TANC1: variants seen among roughly 807,000 people sequenced by gnomAD.
The protein encoded by TANC1 is protein TANC1.
TANC1 carries 77 observed loss-of-function variants against 149.7 expected under a neutral mutation model. That is an observed-to-expected ratio of 0.51 (90% CI 0.43 to 0.62). The LOEUF is 0.62. Ranked by LOEUF, TANC1 falls within the 20% of genes least tolerant of loss-of-function variation. The pLI, the probability that TANC1 is intolerant of heterozygous loss-of-function variation, is 0.00. For missense variants in TANC1, 1,985 were observed against 2,321.8 expected, an observed-to-expected ratio of 0.85 and a Z score of 2.98; for synonymous variants, 854 against 925.0, an observed-to-expected ratio of 0.92 and a Z score of 1.39.
intron 4 of TANC1, among the ~76,000 whole-genome samples, chr2:159,116,611 T>C (rs1007374628): frequency 5.3e-5 from 8 of 152,220 alleles, no homozygotes; most frequent in Admixed American, 2.0e-4. Flanking sequence ...AACTCTGCCA[T>C]CGTAGTACAG....
intron 4 of TANC1, among the ~76,000 whole-genome samples, chr2:159,124,742 A>ATTT: frequency 6.9e-6 from 1 of 144,970 alleles, no homozygotes; most frequent in South Asian, 2.2e-4. Flanking sequence ...AATCAGCTGC[A>ATTT]TTTTTTTTTT....
intron 25 of TANC1, chr2:159,228,518 C>T: frequency 2.3e-6 from 1 of 429,472 alleles, no homozygotes; most frequent in Non-Finnish European, 4.2e-6. Flanking sequence ...CTGCGCTCCT[C>T]TCTGAGGCTG....
chr2:158,981,169 A>G (rs2149217868), intron 1 of TANC1, among the ~76,000 whole-genome samples: 1 of 152,198 alleles, frequency 6.6e-6, no homozygotes, highest in East Asian at 1.9e-4. Flanking sequence ...TTAGCAATTC[A>G]GAGCAGCATG....
At chr2:159,213,221 G>T (rs2059119429) in intron 19 of TANC1, among the ~76,000 whole-genome samples, 1 of 152,056 alleles carries the variant, frequency 6.6e-6, no homozygotes, top group Admixed American at 6.6e-5. Flanking sequence ...TTTTGGGGTG[G>T]CATATTCTGG....
chr2:159,185,910 C>T lies in TANC1; in HGVS notation c.2619+11C>T, dbSNP rs1319101589. On this transcript the variant is annotated intron_variant, in intron 15 of 26. Transcript: ENST00000263635. ...GCGCACATTTTCAAGGTGAGATGCA[C>T]ACCAACTTGGGGAAGGGTTTCTTTG... The T allele has an allele frequency of 1.9e-6, 3 of 1,582,540 alleles. No individual in the cohort carries two copies. The South Asian group carries it at 3.3e-5, about 18-fold the overall frequency.
At chr2:159,179,575 A>G (rs1232316789) in intron 14 of TANC1, among the ~76,000 whole-genome samples, 2 of 152,014 alleles carry the variant, frequency 1.3e-5, no homozygotes, top group Non-Finnish European at 1.5e-5. Context: ...GCAGACTGTC[A>G]TGGGTCCTCA....
At chr2:159,041,428 G>A (rs1001490436) in intron 2 of TANC1, among the ~76,000 whole-genome samples, 38 of 152,140 alleles carry the variant, frequency 2.5e-4, no homozygotes, top group Non-Finnish European at 4.4e-4. Flanking sequence ...CTTGAGCTGC[G>A]GTGGACTCCA....
chr2:158,978,224 A>G (rs2033916809), intron 1 of TANC1, among the ~76,000 whole-genome samples: 2 of 152,304 alleles, frequency 1.3e-5, no homozygotes, highest in East Asian at 1.9e-4. Context: ...GTTGTTAAAC[A>G]TCACTCTGGA....
chr2:159,016,313 G>A (rs1559135093), intron 2 of TANC1, among the ~76,000 whole-genome samples: 1 of 152,148 alleles, frequency 6.6e-6, no homozygotes, highest in Non-Finnish European at 1.5e-5. Flanking sequence ...CAGTATGGGG[G>A]AACGACCCCC....
chr2:159,048,731 A>G (rs1209050602), intron 2 of TANC1, among the ~76,000 whole-genome samples: 3 of 152,228 alleles, frequency 2.0e-5, no homozygotes, highest in East Asian at 1.9e-4. Context: ...TAGAACAGGT[A>G]AGGATATGAT....
intron 2 of TANC1, among the ~76,000 whole-genome samples, chr2:159,022,318 G>A (rs1486507358): frequency 2.0e-5 from 3 of 152,190 alleles, no homozygotes; most frequent in African/African-American, 7.2e-5. Context: ...ACATGTATGG[G>A]GTACACACCA....
chr2:159,163,155 A>G, intron 7 of TANC1, 128 bp from the exon 8 acceptor site: 1 of 916,990 alleles, frequency 1.1e-6, no homozygotes, highest in Non-Finnish European at 1.6e-6. Flanking sequence ...TATGGAACAT[A>G]CTTTGATAAA....
chr2:159,046,925 G>A (rs767865060), intron 2 of TANC1, among the ~76,000 whole-genome samples: 3 of 151,972 alleles, frequency 2.0e-5, no homozygotes, highest in Non-Finnish European at 2.9e-5. Flanking sequence ...ATACTCGACT[G>A]CTTTGTTTTT....
chr2:159,060,950 A>G (rs562775626), intron 2 of TANC1, among the ~76,000 whole-genome samples: 1 of 152,236 alleles, frequency 6.6e-6, no homozygotes, highest in African/African-American at 2.4e-5. Context: ...ATTCAAATAC[A>G]TAATGTAGAG....
intron 2 of TANC1, among the ~76,000 whole-genome samples, chr2:159,065,601 T>C (rs980721077): frequency 2.6e-5 from 4 of 152,008 alleles, no homozygotes; most frequent in Non-Finnish European, 5.9e-5. Context: ...TTTAGCCTCA[T>C]AACCTTAATT....
chr2:159,032,039 A>C (rs2039821527), intron 2 of TANC1, among the ~76,000 whole-genome samples: 1 of 152,242 alleles, frequency 6.6e-6, no homozygotes, highest in African/African-American at 2.4e-5. Flanking sequence ...CCCTAAGGTC[A>C]TATGGCCCTG....
At chr2:159,097,878 C>T (rs1326874752) in intron 4 of TANC1, 44 bp downstream of exon 4, 20 of 1,553,544 alleles carry the variant, frequency 1.3e-5, no homozygotes, top group Admixed American at 1.7e-5. Context: ...ATATGTAGTA[C>T]CTGCATTGAA....
At chr2:159,075,061 A>G (rs1436105673) in intron 3 of TANC1, among the ~76,000 whole-genome samples, 2 of 152,146 alleles carry the variant, frequency 1.3e-5, no homozygotes, top group Admixed American at 6.5e-5. Context: ...TGGGAACACA[A>G]TTCATCTATA....
At chr2:159,161,666 G>T (rs1317023236) in intron 7 of TANC1, among the ~76,000 whole-genome samples, 2 of 152,178 alleles carry the variant, frequency 1.3e-5, no homozygotes, top group African/African-American at 4.8e-5. Context: ...AGTCATACTT[G>T]CTATGCCTAT....
Sources: allele counts gnomAD v4.1 joint callset (sites outside exome capture counted in the v4.1 genomes callset), GRCh38; gene constraint gnomAD v4.1.1; transcripts MANE v1.5; gene names NCBI Gene and HGNC (gene_info 2026-07-23, HGNC 2026-07-21).